Variants in GRAMD4 observed in about 807,000 individuals in gnomAD.
GRAMD4 encodes the protein GRAM domain-containing protein 4.
A neutral mutation model predicts 83.9 loss-of-function variants in GRAMD4; 25 were observed. The observed-to-expected ratio is 0.30, with a 90% CI of 0.22 to 0.42. GRAMD4 has a LOEUF of 0.42. GRAMD4 is among the 10% of genes least tolerant of loss of function. The pLI, the probability that GRAMD4 is intolerant of heterozygous loss-of-function variation, is 1.00. For missense variants in GRAMD4, 593 were observed against 788.7 expected (o/e 0.75, Z 2.97); for synonymous variants, 336 against 320.9 (o/e 1.05, Z -0.50).
At chr22:46,596,036 A>C (rs568888343) in intron 1 of GRAMD4, among the ~76,000 whole-genome samples, 1 of 152,364 alleles carries the variant, frequency 6.6e-6, no homozygotes, top group South Asian at 2.1e-4. Flanking sequence ...GCTTCAGTGC[A>C]TTAGGATGGG....
chr22:46,675,301 A>G (rs2082580016), intron 16 of GRAMD4, among the ~76,000 whole-genome samples, 167 bp from the exon 17 acceptor site: 1 of 152,098 alleles, frequency 6.6e-6, no homozygotes. Context: ...TGAGTGTCTC[A>G]TATAGAGCAG....
chr22:46,597,589 A>AT (rs1207071731), intron 1 of GRAMD4, among the ~76,000 whole-genome samples: 1 of 151,986 alleles, frequency 6.6e-6, no homozygotes, highest in Non-Finnish European at 1.5e-5. Flanking sequence ...TCCTGGGTTC[A>AT]CACCATTCTC....
At chr22:46,592,014 CCT>C (rs138492625) in intron 1 of GRAMD4, among the ~76,000 whole-genome samples, 15,098 of 151,874 alleles carry the variant, frequency 0.099, 839 homozygotes, top group East Asian at 0.27. Flanking sequence ...CAAGGCCCTC[CCT>C]CTCGCCCCCA....
rs575707805 is a variant in GRAMD4 at position 46,629,967 on chromosome 22, G to A, written c.162+3006G>A. On this transcript the variant is annotated intron_variant, in intron 2 of 18. Coordinates refer to ENST00000406902, the MANE Select transcript of GRAMD4 (RefSeq NM_015124.5). ...CCATGCTGCGGTGTGCATTGGTGCCGCCTGCCTTTTTATGGCTGAACCTGT... is the reference window on the plus strand; with the variant it reads ...CCATGCTGCGGTGTGCATTGGTGCCACCTGCCTTTTTATGGCTGAACCTGT... 2.6e-5 allele frequency among the ~76,000 whole-genome samples: 4 copies of A among 152,194 alleles called. No individual in the cohort carries two copies. In the East Asian group the frequency reaches 5.8e-4, roughly 22 times the overall value.
chr22:46,652,179 G>A (rs1312800567), intron 3 of GRAMD4, among the ~76,000 whole-genome samples: 1 of 152,202 alleles, frequency 6.6e-6, no homozygotes, highest in Non-Finnish European at 1.5e-5. Context: ...GGTGGAGATG[G>A]TTCTGGATTA....
rs371204346 is a variant in GRAMD4 at position 46,607,769 on chromosome 22, CCT to C, written c.-49-18977_-49-18976del. Among the ~76,000 whole-genome samples the C allele has an allele frequency of 3.5e-4, 53 of 152,328 alleles. No homozygotes were observed. The East Asian group carries it at 8.5e-3, about 24-fold the overall frequency. Reference sequence around the variant, plus strand: ...AATGGGACCGAGTGCCCTACCACAGCCTCTCTGCTCCCACCAGCTCCTTTCTG... The same window carrying C: ...AATGGGACCGAGTGCCCTACCACAGCCTCTGCTCCCACCAGCTCCTTTCTG... On this transcript the variant is annotated intron_variant, in intron 1 of 1. Transcript: ENST00000431155.
intron 1 of GRAMD4, among the ~76,000 whole-genome samples, chr22:46,578,838 A>G (rs758492918): frequency 2.2e-4 from 33 of 152,176 alleles, no homozygotes; most frequent in Middle Eastern, 3.4e-3. Flanking sequence ...CTTGGCAGCC[A>G]TGTGGACCCT....
At position 46,672,932 on chromosome 22, in the gene GRAMD4, A is replaced by C; in HGVS notation, c.1174A>C (p.Ile392Leu). ...LRAKYDTPYI[I>L]WRSLPTDPQL... ...CGCCAAGTACGACACGCCCTATATC[A>C]TCTGGAGGAGTCTCCCCACCGACCC... is the stretch of plus-strand genomic sequence containing the variant. The change falls in exon 14 of 19, where the codon ATC becomes CTC. Residue 392 changes from isoleucine to leucine, a missense_variant. This residue lies in a region of GRAMD4 where 171 missense variants were observed against 199.6 expected (regional missense o/e 0.86). Coordinates refer to ENST00000406902, the MANE Select transcript of GRAMD4 (RefSeq NM_015124.5). The surrounding 1 kb of genome is among the most constrained non-coding windows in gnomAD (Gnocchi z 4.7). 6.2e-7 allele frequency: 1 copy of C among 1,611,802 alleles called. No individual in the cohort carries two copies. The highest frequency in any genetic ancestry group is 1.1e-5 in the South Asian group (1 of 91,056).
chr22:46,622,912 T>TAAAA lies in GRAMD4; in HGVS notation c.-50+2363_-50+2366dup, dbSNP rs1244826706. ...GGGCGACAGAGCAAGACTCCATCTC[T>TAAAA]AAAAAAAAAAAAAAAAAAACTGATG... On this transcript the variant is annotated intron_variant, in intron 1 of 18. Transcript: ENST00000406902. The surrounding 1 kb of genome is among the most constrained non-coding windows in gnomAD (Gnocchi z 4.0). Among the ~76,000 whole-genome samples, 1 of 110,284 alleles carries TAAAA rather than the reference T, an allele frequency of 9.1e-6. No homozygotes were observed. The highest frequency in any genetic ancestry group is 9.3e-5 in the Admixed American group (1 of 10,804). The allele number at this position is 110,284 out of a possible 152,430, so 72.4% of individuals were successfully genotyped here. A position where few individuals can be genotyped will look rare whatever the true frequency, so the allele number is the denominator to read the frequency against.
At chr22:46,671,220 G>GC (rs2082499192) in intron 13 of GRAMD4, 1 of 352,946 alleles carries the variant, frequency 2.8e-6, no homozygotes, top group African/African-American at 2.1e-5. Flanking sequence ...TCCTGGCCCT[G>GC]CCCCTCCTCA....
intron 6 of GRAMD4, among the ~76,000 whole-genome samples, chr22:46,663,467 T>C (rs778700481): frequency 4.3e-4 from 66 of 152,196 alleles, no homozygotes; most frequent in Non-Finnish European, 8.1e-4. Flanking sequence ...TCCTTGGCTC[T>C]TGAGTCCCAT....
chr22:46,578,418 C>T (rs1351745855), intron 1 of GRAMD4, among the ~76,000 whole-genome samples: 1 of 152,134 alleles, frequency 6.6e-6, no homozygotes, highest in Non-Finnish European at 1.5e-5. Context: ...GGTAGTGAGC[C>T]TCCTGGGCCT....
Position 46,662,760 on chromosome 22 carries a change from A to G in GRAMD4, c.467-280A>G, listed in dbSNP as rs186049365. Among the ~76,000 whole-genome samples, 794 of 152,274 alleles carry G rather than the reference A, an allele frequency of 5.2e-3. 20 individuals carry two copies. Among genetic ancestry groups the G allele is most frequent in the Admixed American group, 0.044 (680 of 15,298 alleles). ...CCAGGGCGGGCAGAGAGCTGGGGAC[A>G]GGGATGAAAAGCAGAGAGACCCGGC... On this transcript the variant is annotated intron_variant, in intron 5 of 18. Transcript: ENST00000406902.
chr22:46,658,089 C>G, intron 3 of GRAMD4, 98 bp from the exon 4 acceptor site: 1 of 1,466,492 alleles, frequency 6.8e-7, no homozygotes, highest in Non-Finnish European at 9.5e-7. Flanking sequence ...GCAGAGACCC[C>G]TCTGCTGTTT....
intron 1 of GRAMD4, among the ~76,000 whole-genome samples, chr22:46,595,809 G>GT (rs1242542561): frequency 6.6e-6 from 1 of 152,240 alleles, no homozygotes; most frequent in Non-Finnish European, 1.5e-5. Context: ...CATCTGACAG[G>GT]TGCCAGGGTG....
At chr22:46,616,820 C>CTG (rs1313380697), upstream of GRAMD4, among the ~76,000 whole-genome samples, 10 of 113,138 alleles carry the variant, frequency 8.8e-5, no homozygotes, top group African/African-American at 3.2e-4. Flanking sequence ...GTAGGTTCCC[C>CTG]TGTGTGTACG....
chr22:46,666,107 A>T (rs998522292), intron 9 of GRAMD4, among the ~76,000 whole-genome samples: 1 of 152,192 alleles, frequency 6.6e-6, no homozygotes, highest in Non-Finnish European at 1.5e-5. Context: ...GGGAATGAGT[A>T]CCAGTCGCCT....
chr22:46,644,898 T>A (rs2082051228), intron 3 of GRAMD4, among the ~76,000 whole-genome samples: 1 of 5,830 alleles, frequency 1.7e-4, no homozygotes, highest in African/African-American at 9.6e-4. Context: ...GCACATGGCC[T>A]TTTTTTTTTT....
chr22:46,586,987 C>T (rs2081156900), intron 1 of GRAMD4, among the ~76,000 whole-genome samples: 1 of 152,186 alleles, frequency 6.6e-6, no homozygotes, highest in African/African-American at 2.4e-5. Flanking sequence ...ACCCTCTTAC[C>T]CGGGAAGAAC....
Sources: allele counts gnomAD v4.1 joint callset (sites outside exome capture counted in the v4.1 genomes callset), GRCh38; gene constraint gnomAD v4.1.1; regional missense constraint gnomAD v4.1.1; non-coding constraint Gnocchi (gnomAD v3.1); transcripts MANE v1.5; gene names NCBI Gene and HGNC (gene_info 2026-07-23, HGNC 2026-07-21).